The following VPS13B variants were observed in gnomAD, a reference collection of about 807,000 sequenced individuals.
VPS13B encodes vacuolar protein sorting 13 homolog B.
A neutral mutation model predicts 426.4 loss-of-function variants in VPS13B; 285 were observed. That is an observed-to-expected ratio of 0.67 (90% CI 0.61 to 0.74). The LOEUF (loss-of-function observed/expected upper bound fraction) is 0.74. Among genes scored for constraint, VPS13B ranks in the 30% least tolerant of loss-of-function variants. The probability of loss-of-function intolerance (pLI) is 0.00; values close to 1 mark genes in which losing one functional copy is unlikely to be tolerated. For missense variants in VPS13B, 4,537 were observed against 4,782.6 expected, an observed-to-expected ratio of 0.95 and a Z score of 1.51; for synonymous variants, 1,676 against 1,676.4, an observed-to-expected ratio of 1.00 and a Z score of 0.01.
chr8:99,811,724 A>G (rs899424599), intron 44 of VPS13B, among the ~76,000 whole-genome samples: 1 of 152,308 alleles, frequency 6.6e-6, no homozygotes, highest in South Asian at 2.1e-4. Flanking sequence ...ACTTGGCTGT[A>G]TCCGCTTGCT....
intron 2 of VPS13B, among the ~76,000 whole-genome samples, chr8:99,020,498 C>G (rs568482593): frequency 6.6e-6 from 1 of 152,272 alleles, no homozygotes; most frequent in African/African-American, 2.4e-5. Flanking sequence ...TGAAGTCCAA[C>G]TTAGCTATTT....
At chr8:99,307,586 A>G (rs891817893) in intron 19 of VPS13B, among the ~76,000 whole-genome samples, 4 of 152,058 alleles carry the variant, frequency 2.6e-5, no homozygotes, top group Non-Finnish European at 5.9e-5. Flanking sequence ...GTTAATTCTG[A>G]AAGCAGCAAC....
At chr8:99,556,308 C>T in intron 30 of VPS13B, 142 bp from the exon 31 acceptor site, 2 of 859,430 alleles carry the variant, frequency 2.3e-6, no homozygotes, top group South Asian at 3.1e-5. Context: ...AAACCTTTTT[C>T]ATAGATGTGC....
At chr8:99,079,415 T>C (rs1346460541) in intron 3 of VPS13B, among the ~76,000 whole-genome samples, 1 of 152,100 alleles carries the variant, frequency 6.6e-6, no homozygotes. Flanking sequence ...CTCCCCAAAA[T>C]TGAATGTGGT....
chr8:99,503,037 G>T, intron 27 of VPS13B, 87 bp downstream of exon 27: 1 of 1,043,044 alleles, frequency 9.6e-7, no homozygotes, highest in South Asian at 1.3e-5. Flanking sequence ...AATTTGGCTG[G>T]TTATTAAAAT....
intron 23 of VPS13B, among the ~76,000 whole-genome samples, chr8:99,460,767 T>A (rs1818783046): frequency 6.6e-6 from 1 of 152,192 alleles, no homozygotes; most frequent in South Asian, 2.1e-4. Context: ...TGTTATCAGT[T>A]TCCACTGATA....
chr8:99,871,620 G>A lies in VPS13B; in HGVS notation c.11668G>A (p.Asp3890Asn), dbSNP rs771105877. Reference sequence around the variant, plus strand: ...GCAGGCCTTCCCCGTCACAGAAATCGACTGTGCACAGGACAGCAAGCAGAA... The same window carrying A: ...GCAGGCCTTCCCCGTCACAGAAATCAACTGTGCACAGGACAGCAAGCAGAA... ...QQQAFPVTEI[D>N]CAQDSKQNNL... is the part of the protein sequence containing the mutation. The change falls in exon 61 of 62, where the codon GAC (aspartate) becomes AAC (asparagine). Residue 3890 changes from aspartate to asparagine, a missense_variant. Physicochemically the swap from Asp to Asn is conservative, Grantham distance 23. This residue lies in a region of VPS13B where 4,311 missense variants were observed against 4,474.3 expected (regional missense o/e 0.96). Coordinates refer to ENST00000357162, the MANE Select transcript of VPS13B (RefSeq NM_152564.5). The A allele has an allele frequency of 3.0e-5, 49 of 1,614,040 alleles. 1 individual carries two copies. Among genetic ancestry groups the A allele is most frequent in the African/African-American group, 4.0e-5 (3 of 74,928 alleles).
intron 44 of VPS13B, 43 bp downstream of exon 44, chr8:99,809,573 T>G: frequency 6.2e-7 from 1 of 1,611,320 alleles, no homozygotes; most frequent in South Asian, 1.1e-5. Flanking sequence ...TCTTAATTAT[T>G]CAGTGTAATG....
intron 34 of VPS13B, among the ~76,000 whole-genome samples, chr8:99,657,486 G>GTGTGTGTGTGTGTGTT (rs1830066368): frequency 6.6e-6 from 1 of 151,748 alleles, no homozygotes; most frequent in South Asian, 2.1e-4. Flanking sequence ...GTGTGTGTGT[G>GTGTGTGTGTGTGTGTT]TGTGTGTGTA....
At chr8:99,774,710 T>C (rs1255837808) in intron 40 of VPS13B, among the ~76,000 whole-genome samples, 2 of 152,198 alleles carry the variant, frequency 1.3e-5, no homozygotes, top group African/African-American at 2.4e-5. Context: ...TTCAAATGTG[T>C]AAAACACATG....
intron 40 of VPS13B, among the ~76,000 whole-genome samples, chr8:99,775,925 C>T (rs897845559): frequency 2.6e-5 from 4 of 151,956 alleles, no homozygotes; most frequent in African/African-American, 9.7e-5. Context: ...AAAGATTTAA[C>T]TTGTATAAAA....
intron 39 of VPS13B, among the ~76,000 whole-genome samples, chr8:99,734,069 T>A (rs965410870): frequency 7.9e-5 from 12 of 152,328 alleles, no homozygotes; most frequent in African/African-American, 2.6e-4. Flanking sequence ...CTACTTTCTG[T>A]CTCTATATAT....
At chr8:99,523,232 G>A (rs1822468710) in intron 30 of VPS13B, among the ~76,000 whole-genome samples, 1 of 152,186 alleles carries the variant, frequency 6.6e-6, no homozygotes, top group Non-Finnish European at 1.5e-5. Context: ...TAAGGTTTCT[G>A]ACTCCAGGCC....
intron 33 of VPS13B, among the ~76,000 whole-genome samples, chr8:99,589,579 C>T (rs1160633954): frequency 6.6e-6 from 1 of 151,692 alleles, no homozygotes; most frequent in Non-Finnish European, 1.5e-5. Context: ...TGTATATGTG[C>T]CACATTTTCT....
At chr8:99,371,439 G>T (rs1346769832) in intron 19 of VPS13B, among the ~76,000 whole-genome samples, 4 of 152,102 alleles carry the variant, frequency 2.6e-5, no homozygotes, top group African/African-American at 9.7e-5. Flanking sequence ...TGTTCCAAGG[G>T]TTTATATATT....
At chr8:99,260,084 T>C (rs1205190996) in intron 17 of VPS13B, among the ~76,000 whole-genome samples, 4 of 152,112 alleles carry the variant, frequency 2.6e-5, no homozygotes, top group Admixed American at 6.6e-5. Context: ...TGGAAGTCCT[T>C]AATGGATTAA....
chr8:99,814,756 A>C (rs1813922008), intron 44 of VPS13B, among the ~76,000 whole-genome samples: 1 of 152,164 alleles, frequency 6.6e-6, no homozygotes, highest in Admixed American at 6.5e-5. Flanking sequence ...TAACCAAATC[A>C]AGTGAGGGTT....
At chr8:99,284,557 C>CT (rs1296822026) in intron 19 of VPS13B, among the ~76,000 whole-genome samples, 6 of 151,888 alleles carry the variant, frequency 4.0e-5, no homozygotes, top group East Asian at 1.9e-4. Flanking sequence ...GTATTGGTTT[C>CT]TTTTTTTCTT....
intron 34 of VPS13B, among the ~76,000 whole-genome samples, chr8:99,658,882 C>T (rs1358993260): frequency 6.6e-6 from 1 of 152,102 alleles, no homozygotes; most frequent in Non-Finnish European, 1.5e-5. Context: ...GTGGCACAAT[C>T]ACGGCTCACT....
Sources: gnomAD v4.1 joint callset for allele counts (sites outside exome capture counted in the v4.1 genomes callset) on GRCh38, gnomAD v4.1.1 for gene constraint, gnomAD v4.1.1 regional missense constraint, MANE v1.5 for transcripts, NCBI Gene and HGNC (gene_info 2026-07-23, HGNC 2026-07-21) for gene names.